TRPM2: variants seen among roughly 807,000 people sequenced by gnomAD.
TRPM2 encodes the protein estrogen-responsive element-associated gene 1 protein.
In TRPM2, 161 loss-of-function variants were observed where a neutral mutation model predicts 174.0. The observed-to-expected ratio is 0.93, with a 90% CI of 0.81 to 1.05. The LOEUF is 1.05. Ranked by LOEUF, TRPM2 falls within the 50% of genes least tolerant of loss-of-function variation. TRPM2 has a pLI of 0.00. For missense variants in TRPM2, 2,057 were observed against 2,038.0 expected, an observed-to-expected ratio of 1.01 and a Z score of -0.18; for synonymous variants, 954 against 861.3, an observed-to-expected ratio of 1.11 and a Z score of -1.88.
At position 44,399,847 on chromosome 21, in the gene TRPM2, G is replaced by A. The variant is rs1376585194; in HGVS notation, c.2208+406G>A. The stretch of plus-strand genomic sequence containing the variant: ...CCCTCAGCATCGCCCTGGAACCCCC[G>A]GCAGGGCCTGGCTCCCAGCGAGTGC... On this transcript the variant is annotated intron_variant, in intron 14 of 31. Coordinates refer to ENST00000397928, the MANE Select transcript of TRPM2 (RefSeq NM_003307.4). The surrounding 1 kb of genome is among the most constrained non-coding windows in gnomAD (Gnocchi z 4.6). Among the ~76,000 whole-genome samples, 1 of 152,282 alleles carries A rather than the reference G, an allele frequency of 6.6e-6. No individual in the cohort carries two copies. Among genetic ancestry groups the A allele is most frequent in the African/African-American group, 2.4e-5 (1 of 41,574 alleles).
chr21:44,386,484 C>A (rs1298788443), intron 9 of TRPM2, among the ~76,000 whole-genome samples: 1 of 151,986 alleles, frequency 6.6e-6, no homozygotes, highest in Non-Finnish European at 1.5e-5. Flanking sequence ...GAAAACAATT[C>A]TATTTACAGT....
chr21:44,401,871 T>C lies in TRPM2; in HGVS notation c.2512T>C (p.Ser838Pro). 1 of 1,613,262 alleles carries C rather than the reference T, an allele frequency of 6.2e-7. No homozygotes were observed. Among genetic ancestry groups the C allele is most frequent in the South Asian group, 1.1e-5 (1 of 91,072 alleles). Residue 838 changes from serine to proline, a missense_variant, in exon 16 of 32, where the codon TCC becomes CCC. Transcript: ENST00000397928. ...CECAIYLWLF[S>P]LVCEEMRQLF... is the part of the protein sequence containing the mutation. ...GTGTGCCATCTACCTCTGGCTCTTC[T>C]CCTTGGTGTGCGAGGAGATGCGGCA... is the stretch of plus-strand genomic sequence containing the variant.
chr21:44,426,851 G>T, intron 26 of TRPM2, 115 bp downstream of exon 26: 1 of 1,379,732 alleles, frequency 7.2e-7, no homozygotes. Flanking sequence ...TGAGCAGGAG[G>T]GGCCCGTGGG....
At chr21:44,409,989 C>T (rs111776172) in intron 19 of TRPM2, among the ~76,000 whole-genome samples, 83 of 148,302 alleles carry the variant, frequency 5.6e-4, no homozygotes, top group African/African-American at 1.8e-3. Context: ...TCTTGGTTGG[C>T]GTAGCCTTGT....
At chr21:44,405,391 G>T in intron 17 of TRPM2, 131 bp downstream of exon 17, 5 of 1,378,724 alleles carry the variant, frequency 3.6e-6, no homozygotes, top group Non-Finnish European at 4.9e-6. Context: ...ATTGTCATCT[G>T]TCCAATGGGT....
Position 44,379,038 on chromosome 21 carries a change from T to G in TRPM2, c.1056T>G (p.Val352=). 1 of 1,610,022 alleles carries G rather than the reference T, an allele frequency of 6.2e-7. No individual in the cohort carries two copies. Among genetic ancestry groups the G allele is most frequent in the South Asian group, 1.1e-5 (1 of 91,070 alleles). ...CCACCAACGGCACCCCCTGTGTGGT[T>G]GTGGAGGGCTCGGGCCGCGTGGCCG... ...NATTNGTPCV[V]VEGSGRVADV... The change falls in exon 8 of 32, where the codon GTT becomes GTG. Residue 352 remains valine (V), a synonymous_variant. Transcript: ENST00000397928.
At chr21:44,422,676 CCA>C (rs1569101799) in intron 22 of TRPM2, among the ~76,000 whole-genome samples, 1 of 152,136 alleles carries the variant, frequency 6.6e-6, no homozygotes, top group African/African-American at 2.4e-5. Flanking sequence ...TCGGGTTTGC[CCA>C]CAGAGTTATT....
chr21:44,388,191 G>A (rs2049067877), intron 9 of TRPM2, among the ~76,000 whole-genome samples: 1 of 152,020 alleles, frequency 6.6e-6, no homozygotes. Context: ...AGCAAAATGT[G>A]GTCTATACCT....
chr21:44,391,254 C>T lies in TRPM2; in HGVS notation c.1441-18C>T, dbSNP rs1438639862. 6.2e-7 allele frequency: 1 copy of T among 1,604,382 alleles called. No individual in the cohort carries two copies. The highest frequency in any genetic ancestry group is 2.2e-5 in the East Asian group (1 of 44,810). ...TGATGACCAAATGCAACCGTCACTG[C>T]ACAATGCTTGCTCTCAGCCTTCAGA... On this transcript the variant is annotated intron_variant, in intron 10 of 31. Transcript: ENST00000397928. This position sits in a 1 kb window ranked among gnomAD's most constrained non-coding sequence, Gnocchi z 5.0.
At chr21:44,436,000 AC>A (rs1410338175) in intron 28 of TRPM2, among the ~76,000 whole-genome samples, 6 of 74,618 alleles carry the variant, frequency 8.0e-5, no homozygotes, top group Admixed American at 2.7e-4. Flanking sequence ...CCCCACACTC[AC>A]CCCCTCAGAC....
Position 44,436,732 on chromosome 21 carries a change from T to C in TRPM2, c.4062-330T>C, listed in dbSNP as rs9979491. On this transcript the variant is annotated intron_variant, in intron 28 of 31. Transcript: ENST00000397928. ...CAGCACCCCACATCACCTCACTGGA[T>C]TCCCACTGGCATTTTCTAAGAGTGG... Among the ~76,000 whole-genome samples, 127,611 of 151,110 alleles carry C rather than the reference T, an allele frequency of 0.84. 54,082 individuals carry two copies. The highest frequency in any genetic ancestry group is 0.95 in the East Asian group (4,782 of 5,054).
intron 23 of TRPM2, among the ~76,000 whole-genome samples, 176 bp from the exon 24 acceptor site, chr21:44,424,676 C>T (rs138780937): frequency 1.1e-3 from 172 of 152,288 alleles, no homozygotes; most frequent in African/African-American, 3.9e-3. Flanking sequence ...GGGCAGCGTT[C>T]TGGCTGGCTT....
intron 9 of TRPM2, among the ~76,000 whole-genome samples, chr21:44,390,119 G>A (rs548438737): frequency 2.8e-4 from 43 of 152,166 alleles, no homozygotes; most frequent in South Asian, 2.1e-4. Flanking sequence ...TGATCCACCC[G>A]CCTTGGCCTC....
chr21:44,413,227 C>CTTTTTTTTT (rs958225632), intron 19 of TRPM2, among the ~76,000 whole-genome samples: 45 of 116,258 alleles, frequency 3.9e-4, no homozygotes, highest in African/African-American at 6.0e-4. Flanking sequence ...CTTTTCAATT[C>CTTTTTTTTT]TTTTTTTTTT....
At position 44,441,078 on chromosome 21, in the gene TRPM2, G is replaced by A. The variant is rs115772045; in HGVS notation, c.4386+173G>A. Among the ~76,000 whole-genome samples the A allele has an allele frequency of 3.5e-3, 531 of 152,302 alleles. 3 individuals carry two copies. The highest frequency in any genetic ancestry group is 0.012 in the African/African-American group (490 of 41,548). ...GGGGACCGGGGTCTGGATTCTGGAC[G>A]TGCCTCGAGGGCTTCCAAGGGAGGG... On this transcript the variant is annotated intron_variant, in intron 31 of 31. Transcript: ENST00000397928.
chr21:44,379,022 G>C lies in TRPM2; in HGVS notation c.1040G>C (p.Gly347Ala). 1 of 1,608,342 alleles carries C rather than the reference G, an allele frequency of 6.2e-7. No homozygotes were observed. The highest frequency in any genetic ancestry group is 1.1e-5 in the South Asian group (1 of 91,084). The change falls in exon 8 of 32, where the codon GGC (glycine) becomes GCC (alanine). Residue 347 changes from glycine (G) to alanine (A), a missense_variant. Physicochemically the swap from Gly to Ala is moderately conservative, Grantham distance 60. Transcript: ENST00000397928. ...ACCATCGACAACGCCACCACCAACG[G>C]CACCCCCTGTGTGGTTGTGGAGGGC... is the stretch of plus-strand genomic sequence containing the variant. ...LHTIDNATTNGTPCVVVEGSG... is the reference protein window; with the variant it reads ...LHTIDNATTNATPCVVVEGSG...
rs1602138138 is a variant in TRPM2, at chr21:44,366,669, G to T, written c.424-85G>T. 1 of 1,589,470 alleles carries T rather than the reference G, an allele frequency of 6.3e-7. No individual in the cohort carries two copies. Reference sequence around the variant, plus strand: ...GTGTGCGGTGTCTGCCGCCCGCTGGGGCCTCTCTGCATGGCCTGTGTGGGT... The same window carrying T: ...GTGTGCGGTGTCTGCCGCCCGCTGGTGCCTCTCTGCATGGCCTGTGTGGGT... On this transcript the variant is annotated intron_variant, in intron 3 of 31. Transcript: ENST00000397928. The surrounding 1 kb of genome is among the most constrained non-coding windows in gnomAD (Gnocchi z 6.0).
At position 44,427,009 on chromosome 21, in the gene TRPM2, G is replaced by A. The variant is rs776498849; in HGVS notation, c.3873-1G>A. ...AGACACGCCTTCTCCTCTGCTCCCA[G>A]CACCCTGGAGCCACTGTCCACGATC... On this transcript the variant is annotated splice_acceptor_variant, in intron 26 of 31. Coordinates refer to ENST00000397928, the MANE Select transcript of TRPM2 (RefSeq NM_003307.4). LOFTEE classifies it high-confidence loss of function. 34 of 1,592,124 alleles carry A rather than the reference G, an allele frequency of 2.1e-5. No individual in the cohort carries two copies. Among genetic ancestry groups the A allele is most frequent in the Non-Finnish European group, 2.9e-5 (34 of 1,170,726 alleles).
chr21:44,440,546 G>A (rs1054283141), intron 30 of TRPM2, among the ~76,000 whole-genome samples: 1 of 152,192 alleles, frequency 6.6e-6, no homozygotes, highest in African/African-American at 2.4e-5. Context: ...CTGAGCAGAC[G>A]TTTCCAAGGC....
Sources: gnomAD v4.1 joint callset for allele counts (sites outside exome capture counted in the v4.1 genomes callset) on GRCh38, gnomAD v4.1.1 for gene constraint, Gnocchi (gnomAD v3.1) non-coding constraint, MANE v1.5 for transcripts, NCBI Gene and HGNC (gene_info 2026-07-23, HGNC 2026-07-21) for gene names.